The following SLC25A30 variants were observed in gnomAD, a reference collection of about 807,000 sequenced individuals.
SLC25A30 encodes kidney mitochondrial carrier protein 1.
SLC25A30 carries 29 observed loss-of-function variants against 42.7 expected under a neutral mutation model. That is an observed-to-expected ratio of 0.68 (90% confidence interval 0.51 to 0.93). SLC25A30 has a LOEUF of 0.93. SLC25A30 is among the 40% of genes least tolerant of loss of function. The pLI is 0.00. For missense variants in SLC25A30, 300 were observed against 359.7 expected (o/e 0.83, Z 1.34); for synonymous variants, 124 against 131.0 (o/e 0.95, Z 0.37).
chr13:45,408,033 C>T lies in SLC25A30; in HGVS notation c.212+894G>A, dbSNP rs138051533. On this transcript the variant is annotated intron_variant, in intron 3 of 9. Coordinates refer to ENST00000519676, the MANE Select transcript of SLC25A30 (RefSeq NM_001010875.4). ...CTCCATGGCAGGCAGGTGATGTTTACAATGTAAAGCTGATCAGGTCCATCC... is the reference window on the plus strand; with the variant it reads ...CTCCATGGCAGGCAGGTGATGTTTATAATGTAAAGCTGATCAGGTCCATCC... Among the ~76,000 whole-genome samples, 33 of 152,254 alleles carry T rather than the reference C, an allele frequency of 2.2e-4. No individual in the cohort carries two copies. In the East Asian group the frequency reaches 5.2e-3, roughly 24 times the overall value.
rs773340547 is a variant in SLC25A30 at position 45,401,092 on chromosome 13, G to T, written c.605C>A (p.Thr202Asn). The T allele has an allele frequency of 6.2e-7, 1 of 1,612,820 alleles. No individual in the cohort carries two copies. The highest frequency in any genetic ancestry group is 1.1e-5 in the South Asian group (1 of 90,944). The change falls in exon 7 of 10, where the codon ACC becomes AAC. Residue 202 changes from threonine (T) to asparagine (N), a missense_variant. Coordinates refer to ENST00000519676, the MANE Select transcript of SLC25A30 (RefSeq NM_001010875.4). The stretch of plus-strand genomic sequence containing the variant: ...AAAGCCATGAACATACAGGAAGTGG[G>T]TATACACAGTGTCTCCCATCAGGCC... ...LSGLMGDTVY[T>N]HFLSSFTCGL... is the part of the protein sequence containing the mutation.
At chr13:45,423,560 A>AATATATAAATATATATAAAAAT in the SLC25A30 span, among the ~76,000 whole-genome samples, 1 of 106,616 alleles carries the variant, frequency 9.4e-6, no homozygotes, top group Non-Finnish European at 1.8e-5. Flanking sequence ...ACATAAAAAA[A>AATATATAAATATATATAAAAAT]ATATATAAAT....
the SLC25A30 span, among the ~76,000 whole-genome samples, chr13:45,423,872 A>AT: frequency 0.25 from 18,185 of 73,676 alleles, 2,995 homozygotes; most frequent in Non-Finnish European, 0.33. Context: ...ATATATATAA[A>AT]ATATATAAAA....
At chr13:45,415,109 G>A (rs998535386) in intron 1 of SLC25A30, among the ~76,000 whole-genome samples, 3 of 152,096 alleles carry the variant, frequency 2.0e-5, no homozygotes, top group Non-Finnish European at 2.9e-5. Flanking sequence ...TCCTTGCTGC[G>A]TTATGAACAT....
chr13:45,426,106 G>C, the SLC25A30 span, among the ~76,000 whole-genome samples: 1 of 149,022 alleles, frequency 6.7e-6, no homozygotes, highest in African/African-American at 2.5e-5. Flanking sequence ...ATATTTTTTT[G>C]AGTTGGAGTC....
In SLC25A30 at chr13:45,394,882, G is replaced by C; in HGVS notation, c.*1092C>G. 1.2e-5 allele frequency: 12 copies of C among 985,366 alleles called. No individual in the cohort carries two copies. The highest frequency in any genetic ancestry group is 1.4e-5 in the Non-Finnish European group (12 of 829,906). The allele number at this position is 985,366 out of a possible 1,614,324, so 61.0% of individuals were successfully genotyped here. ...CAAGACAGGCACAACATAAACTAAA[G>C]TAAAAACTGGAAACCTGGAAAAATC... On this transcript the variant is annotated 3_prime_UTR_variant, in exon 10 of 10. Coordinates refer to ENST00000519676, the MANE Select transcript of SLC25A30 (RefSeq NM_001010875.4).
Position 45,394,724 on chromosome 13 carries a change from T to C in SLC25A30, c.*1250A>G, listed in dbSNP as rs1029360799. ...AAAAAAGAAGAGGGAGAATGACTTATTGTGTCTACAGAAGGAAAGAAAAAG... is the reference window on the plus strand; with the variant it reads ...AAAAAAGAAGAGGGAGAATGACTTACTGTGTCTACAGAAGGAAAGAAAAAG... On this transcript the variant is annotated 3_prime_UTR_variant, in exon 10 of 10. Coordinates refer to ENST00000519676, the MANE Select transcript of SLC25A30 (RefSeq NM_001010875.4). 2.0e-6 allele frequency: 2 copies of C among 985,050 alleles called. No homozygotes were observed. Among genetic ancestry groups the C allele is most frequent in the African/African-American group, 3.5e-5 (2 of 57,202 alleles). The allele number at this position is 985,050 out of a possible 1,614,324, so 61.0% of individuals were successfully genotyped here.
intron 9 of SLC25A30, 123 bp from the exon 10 acceptor site, chr13:45,396,138 C>A (rs568462709): frequency 6.3e-7 from 1 of 1,591,020 alleles, no homozygotes; most frequent in African/African-American, 1.4e-5. Context: ...GCTATGGACA[C>A]GATTAAATAA....
upstream of SLC25A30, among the ~76,000 whole-genome samples, chr13:45,421,509 CT>C (rs1157474227): frequency 2.6e-5 from 4 of 151,984 alleles, no homozygotes; most frequent in Admixed American, 6.6e-5. Context: ...AACTTTCCCC[CT>C]ATTTGGCTCT....
chr13:45,425,564 ATATATATAAG>A, the SLC25A30 span, among the ~76,000 whole-genome samples: 3 of 106,600 alleles, frequency 2.8e-5, no homozygotes, highest in African/African-American at 1.1e-4. Flanking sequence ...ATATATATAA[ATATATATAAG>A]TATATATATA....
chr13:45,425,053 A>AACATATAAGTAT, the SLC25A30 span, among the ~76,000 whole-genome samples: 1 of 80,396 alleles, frequency 1.2e-5, no homozygotes, highest in Non-Finnish European at 2.2e-5. Flanking sequence ...TAAATATATA[A>AACATATAAGTAT]ATATATAAGT....
chr13:45,431,549 AGT>A, the SLC25A30 span, among the ~76,000 whole-genome samples: 6 of 6 alleles, frequency 1, 3 homozygotes, highest in Non-Finnish European at 1. Flanking sequence ...ATGCCTGGCT[AGT>A]TTTTTGTATT....
At chr13:45,400,297 C>T (rs919316886) in intron 7 of SLC25A30, among the ~76,000 whole-genome samples, 2 of 151,764 alleles carry the variant, frequency 1.3e-5, no homozygotes, top group African/African-American at 4.8e-5. Flanking sequence ...TGGCATGCGC[C>T]GGCAGTCCCA....
chr13:45,406,040 A>G, intron 3 of SLC25A30, 63 bp from the exon 4 acceptor site: 2 of 1,465,908 alleles, frequency 1.4e-6, no homozygotes, highest in Non-Finnish European at 1.9e-6. Context: ...CGGCTAGGCA[A>G]CCCACATGCA....
chr13:45,415,026 T>C (rs941886863), intron 1 of SLC25A30, among the ~76,000 whole-genome samples: 1 of 152,160 alleles, frequency 6.6e-6, no homozygotes, highest in African/African-American at 2.4e-5. Flanking sequence ...TGGCTGTAGA[T>C]CACTTCTGAT....
Position 45,402,263 on chromosome 13 carries a change from C to G in SLC25A30, c.489+12G>C, listed in dbSNP as rs1402047992. On this transcript the variant is annotated intron_variant, in intron 6 of 9. Transcript: ENST00000519676. ...ACTAAATAAATCAGTTCGATCCATC[C>G]TTCTGGCTTACCTTCCACAGTCCTC... 2 of 1,597,840 alleles carry G rather than the reference C, an allele frequency of 1.3e-6. No homozygotes were observed. The highest frequency in any genetic ancestry group is 8.6e-7 in the Non-Finnish European group (1 of 1,165,966).
At position 45,395,025 on chromosome 13, in the gene SLC25A30, A is replaced by G. The variant is rs2137612511; in HGVS notation, c.*949T>C. On this transcript the variant is annotated 3_prime_UTR_variant, in exon 10 of 10. Coordinates refer to ENST00000519676, the MANE Select transcript of SLC25A30 (RefSeq NM_001010875.4). ...GGGCTTCATTCACAATTACCATGAG[A>G]AGCCCATGAGAACATGCCCCTCTTC... 1 of 985,448 alleles carries G rather than the reference A, an allele frequency of 1.0e-6. No homozygotes were observed. Among genetic ancestry groups the G allele is most frequent in the Admixed American group, 6.1e-5 (1 of 16,284 alleles). 61.0% of individuals were successfully genotyped at this position (985,448 alleles called of 1,614,324 possible).
chr13:45,397,253 G>A lies in SLC25A30; in HGVS notation c.834+5C>T, dbSNP rs372600268. The A allele has an allele frequency of 4.4e-6, 7 of 1,588,818 alleles. No individual in the cohort carries two copies. Among genetic ancestry groups the A allele is most frequent in the Middle Eastern group, 3.3e-4 (2 of 6,010 alleles). On this transcript the variant is annotated splice_donor_5th_base_variant and intron_variant, in intron 9 of 9. Transcript: ENST00000519676. Reference sequence around the variant, plus strand: ...TTTCAGATCTATTGCAACAGAAAAGGATACAATGATATTCCAAGGACCAAG... The same window carrying A: ...TTTCAGATCTATTGCAACAGAAAAGAATACAATGATATTCCAAGGACCAAG...
chr13:45,425,644 A>T, the SLC25A30 span, among the ~76,000 whole-genome samples: 3 of 110,044 alleles, frequency 2.7e-5, 1 homozygote, highest in Admixed American at 3.6e-4. Flanking sequence ...ATATAAATAT[A>T]TATATAAGTA....
Sources: gnomAD v4.1 joint callset for allele counts (sites outside exome capture counted in the v4.1 genomes callset) on GRCh38, gnomAD v4.1.1 for gene constraint, MANE v1.5 for transcripts, NCBI Gene and HGNC (gene_info 2026-07-23, HGNC 2026-07-21) for gene names.